Variants in PXN observed in about 807,000 individuals in gnomAD.
PXN encodes the protein testicular tissue protein Li 134.
In PXN, 61 loss-of-function variants were observed where a neutral mutation model predicts 103.6. That is an observed-to-expected ratio of 0.59 (90% confidence interval 0.48 to 0.73). The LOEUF (loss-of-function observed/expected upper bound fraction) is 0.73, where lower values mean the gene tolerates loss of function less well. PXN is among the 30% of genes least tolerant of loss of function. The probability of loss-of-function intolerance (pLI) is 0.00; values close to 1 mark genes in which losing one functional copy is unlikely to be tolerated. For synonymous variants in PXN, 562 were observed against 607.8 expected (o/e 0.92, Z 1.11); for missense variants, 1,274 against 1,460.3 (o/e 0.87, Z 2.08).
intron 1 of PXN, chr12:120,226,557 C>T (rs1886926013): frequency 8.2e-7 from 1 of 1,213,270 alleles, no homozygotes; most frequent in Non-Finnish European, 1.1e-6. Context: ...CTCCACCAAA[C>T]ACCCGCTCCA....
chr12:120,224,042 GTCGACTGCCCCAATTCCAT>G lies in PXN; in HGVS notation c.240+90_240+108del. 1.1e-6 allele frequency: 1 copy of G among 945,384 alleles called. No individual in the cohort carries two copies. The highest frequency in any genetic ancestry group is 1.6e-6 in the Non-Finnish European group (1 of 638,678). The allele number at this position is 945,384 out of a possible 1,614,324, so 58.6% of individuals were successfully genotyped here. A position where few individuals can be genotyped will look rare whatever the true frequency, so the allele number is the denominator to read the frequency against. ...GAAGAGCAGTGTCTGGTTGGGAAGG[GTCGACTGCCCCAATTCCAT>G]TCCATCCCCTGGCTCCCTAAGCCCC... On this transcript the variant is annotated intron_variant, in intron 2 of 14. Coordinates refer to ENST00000637617, the MANE Select transcript of PXN (RefSeq NM_001385981.1). The surrounding 1 kb of genome is among the most constrained non-coding windows in gnomAD (Gnocchi z 5.0).
At position 120,222,457 on chromosome 12, in the gene PXN, T is replaced by G. The variant is rs1594394879; in HGVS notation, c.695+92A>C. On this transcript the variant is annotated intron_variant, in intron 5 of 14. Transcript: ENST00000637617. This position sits in a 1 kb window ranked among gnomAD's most constrained non-coding sequence, Gnocchi z 4.7. ...GGCAAATGGCAGACACGGGAGGGAG[T>G]GGGTGATACCAGGGCTAAGGGGACA... 7.5e-7 allele frequency: 1 copy of G among 1,340,744 alleles called. No individual in the cohort carries two copies. The highest frequency in any genetic ancestry group is 1.5e-5 in the African/African-American group (1 of 67,462). 83.1% of individuals were successfully genotyped at this position (1,340,744 alleles called of 1,614,324 possible).
At chr12:120,246,458 C>A (rs1297228073) in intron 1 of PXN, among the ~76,000 whole-genome samples, 1 of 133,098 alleles carries the variant, frequency 7.5e-6, no homozygotes, top group Admixed American at 8.8e-5. Flanking sequence ...ACCTGGGAGG[C>A]AGAGGTTGCA....
At position 120,220,527 on chromosome 12, in the gene PXN, C is replaced by T. The variant is rs372988537; in HGVS notation, c.832-436G>A. Among the ~76,000 whole-genome samples the T allele has an allele frequency of 1.3e-5, 2 of 152,194 alleles. No individual in the cohort carries two copies. Among genetic ancestry groups the T allele is most frequent in the Non-Finnish European group, 2.9e-5 (2 of 68,032 alleles). On this transcript the variant is annotated intron_variant, in intron 6 of 14. Coordinates refer to ENST00000637617, the MANE Select transcript of PXN (RefSeq NM_001385981.1). This position sits in a 1 kb window ranked among gnomAD's most constrained non-coding sequence, Gnocchi z 6.1. Reference sequence around the variant, plus strand: ...GCTTTCCTACACCCCAAGTCCTCTACGTCTTCCACATCCTTGCTCCAGGGA... The same window carrying T: ...GCTTTCCTACACCCCAAGTCCTCTATGTCTTCCACATCCTTGCTCCAGGGA...
Position 120,265,621 on chromosome 12 carries a change from G to T in PXN, c.9C>A (p.Asp3Glu), listed in dbSNP as rs1445508483. The change falls in exon 1 of 15, where the codon GAC becomes GAA. Residue 3 changes from aspartate (D) to glutamate (E), a missense_variant. Physicochemically the swap from Asp to Glu is conservative, Grantham distance 45 (BLOSUM62 2). Coordinates refer to ENST00000637617, the MANE Select transcript of PXN (RefSeq NM_001385981.1). The surrounding 1 kb of genome is among the most constrained non-coding windows in gnomAD (Gnocchi z 5.7). MD[D>E]LDALLADLES... ...CTCGGCCTCCCGCTCACTCACCGAG[G>T]TCGTCCATGGCCGGACCACGGGCGC... 2 of 1,485,740 alleles carry T rather than the reference G, an allele frequency of 1.3e-6. No homozygotes were observed. Among genetic ancestry groups the T allele is most frequent in the South Asian group, 1.3e-5 (1 of 78,850 alleles). The allele number at this position is 1,485,740 out of a possible 1,614,324, so 92.0% of individuals were successfully genotyped here.
In PXN at chr12:120,224,575, C is replaced by A. The variant is rs1484398486; in HGVS notation, c.14-198G>T. On this transcript the variant is annotated intron_variant, in intron 1 of 14. Coordinates refer to ENST00000637617, the MANE Select transcript of PXN (RefSeq NM_001385981.1). The surrounding 1 kb of genome is among the most constrained non-coding windows in gnomAD (Gnocchi z 5.0). ...AAGAGCCGGCTCCCAAAGCTAACTT[C>A]TTCTGGCCACCCAGGACTGAAAGTG... The A allele has an allele frequency of 5.7e-6, 4 of 700,572 alleles. No individual in the cohort carries two copies. The highest frequency in any genetic ancestry group is 5.2e-5 in the African/African-American group (3 of 57,256). 43.4% of individuals were successfully genotyped at this position (700,572 alleles called of 1,614,324 possible). A position where few individuals can be genotyped will look rare whatever the true frequency, so the allele number is the denominator to read the frequency against.
chr12:120,212,156 G>T lies in PXN; in HGVS notation c.*158C>A. Reference sequence around the variant, plus strand: ...TCTGGCAGGGGTGAAGACAAGCAGGGGGACCCCTCACGGCCCTCTGTCCAT... The same window carrying T: ...TCTGGCAGGGGTGAAGACAAGCAGGTGGACCCCTCACGGCCCTCTGTCCAT... On this transcript the variant is annotated 3_prime_UTR_variant, in exon 15 of 15. Transcript: ENST00000637617. The surrounding 1 kb of genome is among the most constrained non-coding windows in gnomAD (Gnocchi z 7.2). The T allele has an allele frequency of 8.9e-7, 1 of 1,125,230 alleles. No individual in the cohort carries two copies. Among genetic ancestry groups the T allele is most frequent in the Non-Finnish European group, 1.3e-6 (1 of 774,770 alleles). 69.7% of individuals were successfully genotyped at this position (1,125,230 alleles called of 1,614,324 possible).
intron 1 of PXN, among the ~76,000 whole-genome samples, chr12:120,255,647 T>A (rs1032204152): frequency 1.3e-5 from 2 of 151,906 alleles, no homozygotes; most frequent in African/African-American, 4.8e-5. Context: ...TGAGCCAAGA[T>A]CATGCCACTG....
In PXN at chr12:120,224,780, G is replaced by A. The variant is rs1255437086; in HGVS notation, c.14-403C>T. 4 of 473,446 alleles carry A rather than the reference G, an allele frequency of 8.4e-6. No homozygotes were observed. The East Asian group carries it at 2.5e-4, about 30-fold the overall frequency. The allele number at this position is 473,446 out of a possible 1,614,324, so 29.3% of individuals were successfully genotyped here. A position where few individuals can be genotyped will look rare whatever the true frequency, so the allele number is the denominator to read the frequency against. On this transcript the variant is annotated intron_variant, in intron 1 of 14. Coordinates refer to ENST00000637617, the MANE Select transcript of PXN (RefSeq NM_001385981.1). The surrounding 1 kb of genome is among the most constrained non-coding windows in gnomAD (Gnocchi z 5.0). ...GGGAGGGGCCCCACGTCACAGGGAG[G>A]GGCCCTGGCTATGCCAGGCCCTCAC...
intron 1 of PXN, among the ~76,000 whole-genome samples, chr12:120,246,574 G>A (rs1381353314): frequency 2.0e-5 from 3 of 150,710 alleles, no homozygotes; most frequent in African/African-American, 7.3e-5. Flanking sequence ...ATTTAGCCAG[G>A]CCAGGCGCGG....
At position 120,214,998 on chromosome 12, in the gene PXN, C is replaced by T. The variant is rs747548882; in HGVS notation, c.2575G>A (p.Val859Ile). Residue 859 changes from valine to isoleucine, a missense_variant and splice_region_variant, in exon 12 of 15, where the codon GTT (valine) becomes ATT (isoleucine). Physicochemically the swap from Val to Ile is conservative, Grantham distance 29. Coordinates refer to ENST00000637617, the MANE Select transcript of PXN (RefSeq NM_001385981.1). The surrounding 1 kb of genome is among the most constrained non-coding windows in gnomAD (Gnocchi z 5.0). Reference sequence around the variant, plus strand: ...CACGTCTTCCCCATGGCGGTCACAACCTGAGGAGGAGATGGAATGCGGTCC... The same window carrying T: ...CACGTCTTCCCCATGGCGGTCACAATCTGAGGAGGAGATGGAATGCGGTCC... ...GACKKPIAGQ[V>I]VTAMGKTWHP... 1 of 1,613,078 alleles carries T rather than the reference C, an allele frequency of 6.2e-7. No individual in the cohort carries two copies. Among genetic ancestry groups the T allele is most frequent in the Non-Finnish European group, 8.5e-7 (1 of 1,179,490 alleles).
Position 120,228,367 on chromosome 12 carries a change from T to C in PXN, c.14-3990A>G, listed in dbSNP as rs1887321966. Among the ~76,000 whole-genome samples, 1 of 152,084 alleles carries C rather than the reference T, an allele frequency of 6.6e-6. No individual in the cohort carries two copies. Among genetic ancestry groups the C allele is most frequent in the African/African-American group, 2.4e-5 (1 of 41,400 alleles). On this transcript the variant is annotated intron_variant, in intron 1 of 14. Transcript: ENST00000637617. The surrounding 1 kb of genome is among the most constrained non-coding windows in gnomAD (Gnocchi z 4.7). ...TTCTGTCTCTCTGGGCCAGCGGAAG[T>C]ATGCAACATGAGGAGGTAGGCCAGG...
chr12:120,226,507 A>T lies in PXN; in HGVS notation c.14-2130T>A, dbSNP rs1282878421. On this transcript the variant is annotated intron_variant, in intron 1 of 14. Coordinates refer to ENST00000637617, the MANE Select transcript of PXN (RefSeq NM_001385981.1). The stretch of plus-strand genomic sequence containing the variant: ...GGACTCCAAACACCCAACAGAAGAC[A>T]AATGGTCAGGCTTCCTTGTCAAACA... 3 of 1,257,100 alleles carry T rather than the reference A, an allele frequency of 2.4e-6. No individual in the cohort carries two copies. The African/African-American group carries it at 4.6e-5, about 19-fold the overall frequency. The allele number at this position is 1,257,100 out of a possible 1,614,324, so 77.9% of individuals were successfully genotyped here. A position where few individuals can be genotyped will look rare whatever the true frequency, so the allele number is the denominator to read the frequency against.
rs780037684 is a variant in PXN at position 120,214,794 on chromosome 12, A to C, written c.2748+31T>G. ...GCTGCGGTGAAGCTGGAATGAGCGG[A>C]AGCGGGCGCGGTGCCGGATGAGGAA... On this transcript the variant is annotated intron_variant, in intron 12 of 14. Transcript: ENST00000637617. This position sits in a 1 kb window ranked among gnomAD's most constrained non-coding sequence, Gnocchi z 5.0. The C allele has an allele frequency of 2.5e-6, 4 of 1,612,114 alleles. No individual in the cohort carries two copies. The South Asian group carries it at 4.4e-5, about 18-fold the overall frequency.
Position 120,220,138 on chromosome 12 carries a change from G to T in PXN, c.832-47C>A. 1.3e-6 allele frequency: 1 copy of T among 785,454 alleles called. No homozygotes were observed. The highest frequency in any genetic ancestry group is 1.9e-5 in the South Asian group (1 of 51,654). The allele number at this position is 785,454 out of a possible 1,614,324, so 48.7% of individuals were successfully genotyped here. A position where few individuals can be genotyped will look rare whatever the true frequency, so the allele number is the denominator to read the frequency against. ...AGGGGAGAGGAGAGAGAGAGATGAG[G>T]GGAGTGAGGACGGCTGCACCTTGCA... On this transcript the variant is annotated intron_variant, in intron 6 of 14. Transcript: ENST00000637617. This position sits in a 1 kb window ranked among gnomAD's most constrained non-coding sequence, Gnocchi z 6.1.
intron 1 of PXN, chr12:120,226,030 T>G (rs1465841050): frequency 9.3e-7 from 1 of 1,073,402 alleles, no homozygotes; most frequent in East Asian, 8.1e-5. Flanking sequence ...CCGGGTCCCA[T>G]GGAGGAGGCC....
rs746021059 is a variant in PXN, at chr12:120,211,959, C to T, written c.*355G>A. ...ACCCTGCCTGCCCTTCCCTGCCCCC[C>T]GGCTGCACTGCTGAAATATGAGGAA... On this transcript the variant is annotated 3_prime_UTR_variant, in exon 15 of 15. Coordinates refer to ENST00000637617, the MANE Select transcript of PXN (RefSeq NM_001385981.1). 7.7e-5 allele frequency: 43 copies of T among 561,230 alleles called. No homozygotes were observed. The highest frequency in any genetic ancestry group is 5.3e-4 in the Admixed American group (28 of 52,800). 34.8% of individuals were successfully genotyped at this position (561,230 alleles called of 1,614,324 possible).
chr12:120,263,376 G>A (rs1471109528), intron 1 of PXN, among the ~76,000 whole-genome samples: 2 of 152,326 alleles, frequency 1.3e-5, no homozygotes, highest in African/African-American at 4.8e-5. Context: ...CAGCCCGGAT[G>A]TAAGCAACTG....
rs1313297323 is a variant in PXN, at chr12:120,213,836, C to T, written c.2979+6G>A. ...GCCCCTCCAGATGTGGTCAGGGGCT[C>T]CTTACCCGGCACACAAAGCACTCAG... On this transcript the variant is annotated splice_donor_region_variant and intron_variant, in intron 14 of 14. Transcript: ENST00000637617. The surrounding 1 kb of genome is among the most constrained non-coding windows in gnomAD (Gnocchi z 4.2). 6.2e-7 allele frequency: 1 copy of T among 1,608,714 alleles called. No homozygotes were observed. Among genetic ancestry groups the T allele is most frequent in the Non-Finnish European group, 8.5e-7 (1 of 1,177,700 alleles).
Sources: gnomAD v4.1 joint callset for allele counts (sites outside exome capture counted in the v4.1 genomes callset) on GRCh38, gnomAD v4.1.1 for gene constraint, Gnocchi (gnomAD v3.1) non-coding constraint, MANE v1.5 for transcripts, NCBI Gene and HGNC (gene_info 2026-07-23, HGNC 2026-07-21) for gene names.